COL4A6: variants seen among roughly 807,000 people sequenced by gnomAD.
COL4A6 encodes the protein collagen type IV alpha 6 chain, also known as collagen alpha-6(IV) chain.
A neutral mutation model predicts 126.7 loss-of-function variants in COL4A6; 59 were observed. That is an observed-to-expected ratio of 0.47 (90% CI 0.38 to 0.58). COL4A6 has a LOEUF of 0.58. Among genes scored for constraint, COL4A6 ranks in the 20% least tolerant of loss-of-function variants. COL4A6 has a pLI of 0.00. For synonymous variants in COL4A6, 547 were observed against 496.6 expected, an observed-to-expected ratio of 1.10 and a Z score of -1.35; for missense variants, 1,285 against 1,337.3, an observed-to-expected ratio of 0.96 and a Z score of 0.61.
intron 40 of COL4A6, chrX:108,163,675 G>A (rs1398690528): frequency 2.7e-5 from 3 of 112,531 alleles, no homozygotes; most frequent in Non-Finnish European, 3.7e-5. Context: ...GTTGGGAGAA[G>A]TGTTGTGGAG....
At chrX:108,224,050 GAA>G (rs916537012) in intron 3 of COL4A6, among the ~76,000 whole-genome samples, 6 of 112,189 alleles carry the variant, frequency 5.3e-5, no homozygotes, top group Admixed American at 4.7e-4. Flanking sequence ...CCATTAGAGA[GAA>G]GAGTCCCAGC....
intron 2 of COL4A6, among the ~76,000 whole-genome samples, chrX:108,371,326 CA>C (rs1338702925): frequency 9.1e-6 from 1 of 109,434 alleles, no homozygotes; most frequent in Non-Finnish European, 1.9e-5. Context: ...TCAAACTGTA[CA>C]AAAAAGTACA....
intron 2 of COL4A6, among the ~76,000 whole-genome samples, chrX:108,313,494 A>T (rs191608468): frequency 0.012 from 1,354 of 111,541 alleles, 27 homozygotes; most frequent in African/African-American, 0.041. Context: ...AAGCAAAAAA[A>T]TTTTTTTAAA....
chrX:108,187,410 T>C, intron 22 of COL4A6, 131 bp from the exon 23 acceptor site: 2 of 504,827 alleles, frequency 4.0e-6, no homozygotes, highest in Middle Eastern at 4.1e-4. Context: ...ATCATCACCA[T>C]AGTTTATCTA....
rs774439639 is a variant in COL4A6 at position 108,179,261 on chromosome X, C to T, written c.2309G>A (p.Gly770Glu). Residue 770 changes from glycine (G) to glutamate (E), a missense_variant, in exon 26 of 45, where the codon GGG becomes GAG. Gly to Glu is a moderately conservative substitution (Grantham distance 98). Coordinates refer to ENST00000334504, the MANE Select transcript of COL4A6 (RefSeq NM_033641.4). ...AGAGTCTCCAAGAAATCCTTTGTGC[C>T]CTGTTAATCCTTGTAGGCCTTGTTC... The part of the protein sequence containing the change: ...PGEQGLQGLT[G>E]HKGFLGDSGL... 3.6e-5 allele frequency: 43 copies of T among 1,209,365 alleles called. No individual in the cohort carries two copies. In the Admixed American group the frequency reaches 9.2e-4, roughly 26 times the overall value.
intron 2 of COL4A6, among the ~76,000 whole-genome samples, chrX:108,433,158 T>C (rs753531730): frequency 8.9e-6 from 1 of 112,230 alleles, no homozygotes; most frequent in East Asian, 2.8e-4. Context: ...TTGTTTAAAT[T>C]CATTGTTATA....
chrX:108,403,949 G>A (rs1447674947), intron 2 of COL4A6, among the ~76,000 whole-genome samples: 1 of 111,502 alleles, frequency 9.0e-6, no homozygotes, highest in Non-Finnish European at 1.9e-5. Flanking sequence ...GGGACCATTT[G>A]CTCTCTTTAC....
At chrX:108,260,645 A>G (rs2037137193) in intron 3 of COL4A6, among the ~76,000 whole-genome samples, 2 of 111,082 alleles carry the variant, frequency 1.8e-5, no homozygotes, top group Admixed American at 1.9e-4. Context: ...TGAATCCAAT[A>G]AACCTCTTTC....
At chrX:108,165,256 C>G in intron 38 of COL4A6, 114 bp downstream of exon 38, 1 of 775,665 alleles carries the variant, frequency 1.3e-6, no homozygotes, top group Non-Finnish European at 2.0e-6. Context: ...GATGTGAAGC[C>G]AAACACGCCC....
At chrX:108,358,597 G>T (rs757022260) in intron 2 of COL4A6, among the ~76,000 whole-genome samples, 10 of 110,636 alleles carry the variant, frequency 9.0e-5, no homozygotes, top group African/African-American at 1.3e-4. Flanking sequence ...GTTTCTTCAC[G>T]TTGGCCAGGC....
intron 2 of COL4A6, among the ~76,000 whole-genome samples, chrX:108,423,162 T>TA (rs1350635158): frequency 5.4e-5 from 6 of 112,031 alleles, no homozygotes; most frequent in African/African-American, 1.6e-4. Context: ...GAAGAATGCT[T>TA]AAACAAATGG....
rs777561906 is a variant in COL4A6, at chrX:108,263,140, G to T, written c.145-41766C>A. 3.6e-5 allele frequency among the ~76,000 whole-genome samples: 4 copies of T among 111,014 alleles called. No homozygotes were observed. In the South Asian group the frequency reaches 1.5e-3, roughly 43 times the overall value. ...AAGCAGTTCTACCATCTAATATCAA[G>T]CTGAAGCTACTAGACTAACTCAGGG... On this transcript the variant is annotated intron_variant, in intron 3 of 44. Transcript: ENST00000334504.
At chrX:108,171,104 G>A (rs2034286763) in intron 33 of COL4A6, among the ~76,000 whole-genome samples, 187 bp from the exon 34 acceptor site, 1 of 112,504 alleles carries the variant, frequency 8.9e-6, no homozygotes, top group Non-Finnish European at 1.9e-5. Flanking sequence ...AATTTGTTAT[G>A]AGTATCCCTT....
intron 2 of COL4A6, among the ~76,000 whole-genome samples, chrX:108,348,794 G>T (rs2039774072): frequency 8.9e-6 from 1 of 111,947 alleles, no homozygotes; most frequent in Admixed American, 9.5e-5. Context: ...TCTAAAAGAA[G>T]AGTTGGCGAG....
intron 23 of COL4A6, among the ~76,000 whole-genome samples, chrX:108,181,782 T>C (rs1205171814): frequency 1.8e-5 from 2 of 112,071 alleles, no homozygotes; most frequent in Non-Finnish European, 3.8e-5. Flanking sequence ...TTTAATAAAA[T>C]ACTGGTGAAC....
chrX:108,405,982 T>TG (rs1461135842), intron 2 of COL4A6, among the ~76,000 whole-genome samples: 36 of 111,381 alleles, frequency 3.2e-4, no homozygotes, highest in African/African-American at 1.1e-3. Context: ...TCTCTTTTTT[T>TG]GTGGAGACAG....
intron 3 of COL4A6, among the ~76,000 whole-genome samples, chrX:108,271,590 C>A (rs189165200): frequency 1.6e-3 from 182 of 111,501 alleles, no homozygotes; most frequent in African/African-American, 5.7e-3. Context: ...GAGGGAGGAA[C>A]AACCATCTGC....
chrX:108,346,996 G>T (rs926802910), intron 2 of COL4A6, among the ~76,000 whole-genome samples: 1 of 111,962 alleles, frequency 8.9e-6, no homozygotes, highest in Admixed American at 9.4e-5. Flanking sequence ...GTCGTTTATT[G>T]TCATGCATTT....
At chrX:108,398,151 C>T (rs752456546) in intron 2 of COL4A6, among the ~76,000 whole-genome samples, 1 of 112,274 alleles carries the variant, frequency 8.9e-6, no homozygotes, top group South Asian at 3.7e-4. Context: ...CCTACCCTCA[C>T]GGCAAGAACT....
Sources: gnomAD v4.1 joint callset for allele counts (sites outside exome capture counted in the v4.1 genomes callset) on GRCh38, gnomAD v4.1.1 for gene constraint, MANE v1.5 for transcripts, NCBI Gene and HGNC (gene_info 2026-07-23, HGNC 2026-07-21) for gene names.